The following EFL1 variants were observed in gnomAD, a reference collection of about 807,000 sequenced individuals.
EFL1 encodes the protein elongation factor like GTPase 1.
EFL1 carries 76 observed loss-of-function variants against 126.7 expected under a neutral mutation model. The observed-to-expected ratio is 0.60, with a 90% CI of 0.50 to 0.73. The LOEUF is 0.73. Ranked by LOEUF, EFL1 falls within the 30% of genes least tolerant of loss-of-function variation. The pLI is 0.00. For synonymous variants in EFL1, 410 were observed against 448.4 expected (o/e 0.91, Z 1.08); for missense variants, 1,128 against 1,343.2 (o/e 0.84, Z 2.50).
intron 4 of EFL1, among the ~76,000 whole-genome samples, chr15:82,241,957 C>G (rs1469018086): frequency 1.3e-5 from 2 of 152,150 alleles, no homozygotes; most frequent in African/African-American, 2.4e-5. Context: ...ATGTGCTCTC[C>G]CATTAATATC....
chr15:82,204,385 T>C (rs560612882), intron 15 of EFL1, among the ~76,000 whole-genome samples: 3 of 130,444 alleles, frequency 2.3e-5, no homozygotes, highest in Middle Eastern at 3.6e-3. Context: ...CTTTTGGAAA[T>C]CAAAAAAAAA....
chr15:82,159,852 T>C (rs183872897), intron 16 of EFL1: 5 of 152,366 alleles, frequency 3.3e-5, no homozygotes, highest in Non-Finnish European at 5.9e-5. Flanking sequence ...CTTTGGACTA[T>C]GCAATTTTGT....
rs143734325 is a variant in EFL1, at chr15:82,184,267, A to G, written c.1751-20283T>C. Among the ~76,000 whole-genome samples the G allele has an allele frequency of 1.3e-4, 20 of 152,370 alleles. No individual in the cohort carries two copies. The East Asian group carries it at 3.9e-3, about 29-fold the overall frequency. ...AGTAAACAATAGTCCTGGTACCCAC[A>G]GGAAAACTGCAGAAGCATGAGGTAA... On this transcript the variant is annotated intron_variant, in intron 15 of 19. Coordinates refer to ENST00000268206, the MANE Select transcript of EFL1 (RefSeq NM_024580.6).
At chr15:82,158,381 T>A (rs1468747228) in intron 16 of EFL1, among the ~76,000 whole-genome samples, 3 of 152,220 alleles carry the variant, frequency 2.0e-5, no homozygotes, top group African/African-American at 7.2e-5. Flanking sequence ...GCTAAAGGCA[T>A]CTTCTGCATT....
chr15:82,189,360 C>T (rs921834728), intron 15 of EFL1, among the ~76,000 whole-genome samples: 29 of 152,144 alleles, frequency 1.9e-4, no homozygotes, highest in African/African-American at 6.8e-4. Flanking sequence ...CAGTAGGGAA[C>T]AGCAGATAAA....
In EFL1 at chr15:82,262,679, AAGTCCGAG is replaced by A. The variant is rs2075140418; in HGVS notation, c.-93_-86del. On this transcript the variant is annotated 5_prime_UTR_variant, in exon 1 of 20. Transcript: ENST00000268206. ...TCGCACCCACACCGAGAGCTTCCGA[AAGTCCGAG>A]AGCTCTGCGGGTCCGACACGCCCGC... 5.4e-6 allele frequency: 3 copies of A among 559,776 alleles called. No individual in the cohort carries two copies. The African/African-American group carries it at 5.9e-5, about 11-fold the overall frequency. The allele number at this position is 559,776 out of a possible 1,614,324, so 34.7% of individuals were successfully genotyped here. A position where few individuals can be genotyped will look rare whatever the true frequency, so the allele number is the denominator to read the frequency against.
intron 12 of EFL1, 34 bp downstream of exon 12, chr15:82,225,131 T>C (rs766827118): frequency 1.8e-5 from 28 of 1,536,554 alleles, no homozygotes; most frequent in Non-Finnish European, 2.4e-5. Flanking sequence ...TACACCATAT[T>C]CCTAGCCCAG....
intron 16 of EFL1, 78 bp downstream of exon 16, chr15:82,163,775 G>A (rs1378306056): frequency 1.3e-6 from 2 of 1,507,354 alleles, no homozygotes; most frequent in African/African-American, 1.4e-5. Context: ...AACAAGTCAT[G>A]AGGAATCAAA....
Position 82,151,815 on chromosome 15 carries a change from C to A in EFL1, c.2639G>T (p.Gly880Val). ...VSGFQLATLS[G>V]PMCEEPLMGV... ...CATGAGAGGCTCCTCACACATGGGG[C>A]CAGAGAGGGTTGCTAGTTGGAAGCC... The change falls in exon 18 of 20, where the codon GGC becomes GTC. Residue 880 changes from glycine to valine, a missense_variant. By Grantham distance (109) the Gly-to-Val change is moderately radical (BLOSUM62 -3). Around this residue, in one of 6 missense-constraint regions of EFL1, gnomAD observed 561 missense variants for 641.7 expected, o/e 0.87. Coordinates refer to ENST00000268206, the MANE Select transcript of EFL1 (RefSeq NM_024580.6). The A allele has an allele frequency of 6.2e-7, 1 of 1,614,116 alleles. No homozygotes were observed. The highest frequency in any genetic ancestry group is 8.5e-7 in the Non-Finnish European group (1 of 1,180,022).
intron 4 of EFL1, among the ~76,000 whole-genome samples, chr15:82,247,407 G>C (rs1183855337): frequency 6.6e-6 from 1 of 152,052 alleles, no homozygotes; most frequent in African/African-American, 2.4e-5. Context: ...ACAATTATGA[G>C]TCCGGGTGCC....
intron 15 of EFL1, among the ~76,000 whole-genome samples, chr15:82,182,190 G>A (rs2074258417): frequency 6.6e-6 from 1 of 152,238 alleles, no homozygotes; most frequent in African/African-American, 2.4e-5. Flanking sequence ...CCAGGAGGCA[G>A]AGGTTGTAGC....
At chr15:82,254,554 T>C (rs550760367) in intron 3 of EFL1, among the ~76,000 whole-genome samples, 1 of 152,314 alleles carries the variant, frequency 6.6e-6, no homozygotes, top group African/African-American at 2.4e-5. Flanking sequence ...ATCATTTCCT[T>C]ATTTTCTTTA....
chr15:82,225,080 G>GT, intron 12 of EFL1, 85 bp downstream of exon 12: 1 of 975,338 alleles, frequency 1.0e-6, no homozygotes, highest in South Asian at 1.9e-5. Context: ...AGCATTATCC[G>GT]TGCCCCCCCT....
At position 82,188,569 on chromosome 15, in the gene EFL1, T is replaced by C. The variant is rs374519799; in HGVS notation, c.1751-24585A>G. ...TCGTGGGGAAAAGTTAAAAATTCAA[T>C]GTGTTTTAAGTTAACTTTTCTTTTA... is the stretch of plus-strand genomic sequence containing the variant. On this transcript the variant is annotated intron_variant, in intron 15 of 19. Transcript: ENST00000268206. 9.2e-5 allele frequency among the ~76,000 whole-genome samples: 14 copies of C among 152,308 alleles called. No individual in the cohort carries two copies. The South Asian group carries it at 2.9e-3, about 32-fold the overall frequency.
At position 82,186,504 on chromosome 15, in the gene EFL1, C is replaced by T. The variant is rs55899409; in HGVS notation, c.1751-22520G>A. Among the ~76,000 whole-genome samples the T allele has an allele frequency of 6.9e-3, 1,055 of 152,274 alleles. 10 individuals carry two copies. The highest frequency in any genetic ancestry group is 8.2e-3 in the Non-Finnish European group (556 of 68,014). The stretch of plus-strand genomic sequence containing the variant: ...GAATCATTTCCAAATACCAGGTGTT[C>T]CAGTTTCACTGTGTTTTGATATTGT... On this transcript the variant is annotated intron_variant, in intron 15 of 19. Coordinates refer to ENST00000268206, the MANE Select transcript of EFL1 (RefSeq NM_024580.6).
chr15:82,190,186 C>T (rs12442655), intron 15 of EFL1, among the ~76,000 whole-genome samples: 10,130 of 151,748 alleles, frequency 0.067, 499 homozygotes, highest in African/African-American at 0.12. Context: ...TTCTCACTCG[C>T]TAATTCAGGT....
chr15:82,140,892 C>T (rs1010951699), intron 18 of EFL1, among the ~76,000 whole-genome samples: 1 of 152,298 alleles, frequency 6.6e-6, no homozygotes, highest in East Asian at 1.9e-4. Context: ...TACTCTAAAA[C>T]TCATTTTCTC....
At chr15:82,229,171 T>C in intron 8 of EFL1, 61 bp from the exon 9 acceptor site, 2 of 1,240,320 alleles carry the variant, frequency 1.6e-6, no homozygotes, top group Non-Finnish European at 1.1e-6. Flanking sequence ...TATATATTCC[T>C]TCTTGACATG....
At chr15:82,140,718 T>G (rs2073777548) in intron 18 of EFL1, among the ~76,000 whole-genome samples, 1 of 152,176 alleles carries the variant, frequency 6.6e-6, no homozygotes, top group Non-Finnish European at 1.5e-5. Context: ...TGTCTAAGAA[T>G]ATATTATCTA....
Sources: gnomAD v4.1 joint callset for allele counts (sites outside exome capture counted in the v4.1 genomes callset) on GRCh38, gnomAD v4.1.1 for gene constraint, gnomAD v4.1.1 regional missense constraint, MANE v1.5 for transcripts, NCBI Gene and HGNC (gene_info 2026-07-23, HGNC 2026-07-21) for gene names.